The following GABRA4 variants were observed in gnomAD, a reference collection of about 807,000 sequenced individuals.
The protein encoded by GABRA4 is gamma-aminobutyric acid receptor subunit alpha-4.
In GABRA4, 12 loss-of-function variants were observed where a neutral mutation model predicts 49.7. The observed-to-expected ratio is 0.24, with a 90% CI of 0.15 to 0.39. The LOEUF is 0.39. GABRA4 is among the 10% of genes least tolerant of loss of function. The pLI, the probability that GABRA4 is intolerant of heterozygous loss-of-function variation, is 1.00. For missense variants in GABRA4, 506 were observed against 686.0 expected, an observed-to-expected ratio of 0.74 and a Z score of 2.93; for synonymous variants, 288 against 240.2, an observed-to-expected ratio of 1.20 and a Z score of -1.84.
chr4:46,937,036 C>T (rs1485059699), intron 8 of GABRA4, among the ~76,000 whole-genome samples: 3 of 152,208 alleles, frequency 2.0e-5, no homozygotes, highest in East Asian at 1.9e-4. Flanking sequence ...GAACTCTCCA[C>T]ATGACTATAT....
At chr4:46,929,313 A>G (rs926750803) in intron 8 of GABRA4, among the ~76,000 whole-genome samples, 1 of 152,038 alleles carries the variant, frequency 6.6e-6, no homozygotes, top group African/African-American at 2.4e-5. Context: ...TGAAAAGCAT[A>G]GATAATAGTA....
In GABRA4 at chr4:46,974,123, A is replaced by T; in HGVS notation, c.721+109T>A. On this transcript the variant is annotated intron_variant, in intron 6 of 8. Coordinates refer to ENST00000264318, the MANE Select transcript of GABRA4 (RefSeq NM_000809.4). ...TCATGCATCAACTCTATTTCTGGAAAATGTTTGTTGTTCTCCTGAAAAAAT... is the reference window on the plus strand; with the variant it reads ...TCATGCATCAACTCTATTTCTGGAATATGTTTGTTGTTCTCCTGAAAAAAT... 2.8e-6 allele frequency: 3 copies of T among 1,078,910 alleles called. No individual in the cohort carries two copies. The South Asian group carries it at 5.5e-5, about 20-fold the overall frequency. 66.8% of individuals were successfully genotyped at this position (1,078,910 alleles called of 1,614,324 possible).
intron 7 of GABRA4, among the ~76,000 whole-genome samples, chr4:46,968,654 T>C (rs2109381212): frequency 6.6e-6 from 1 of 151,820 alleles, no homozygotes; most frequent in South Asian, 2.1e-4. Flanking sequence ...CTGTTTATCA[T>C]TGGTACTAGT....
chr4:46,977,703 A>T, intron 3 of GABRA4, 73 bp from the exon 4 acceptor site: 1 of 999,060 alleles, frequency 1.0e-6, no homozygotes. Flanking sequence ...AATGCATTAA[A>T]TTCTGTCTTC....
rs547689905 is a variant in GABRA4, at chr4:46,978,566, A to G, written c.273+465T>C. Among the ~76,000 whole-genome samples, 24 of 151,694 alleles carry G rather than the reference A, an allele frequency of 1.6e-4. 1 individual carries two copies. Among genetic ancestry groups the G allele is most frequent in the Admixed American group, 1.3e-3 (20 of 15,222 alleles). On this transcript the variant is annotated intron_variant, in intron 3 of 8. Coordinates refer to ENST00000264318, the MANE Select transcript of GABRA4 (RefSeq NM_000809.4). ...GCCAGGCACGGTGGGGCATGCCTGCATTCCCAGCTACTTGGGAGGTTGAGG... is the reference window on the plus strand; with the variant it reads ...GCCAGGCACGGTGGGGCATGCCTGCGTTCCCAGCTACTTGGGAGGTTGAGG...
At chr4:46,942,516 TTGGGAGGCTGAGGCA>T (rs1308395085) in intron 8 of GABRA4, among the ~76,000 whole-genome samples, 3 of 151,942 alleles carry the variant, frequency 2.0e-5, no homozygotes, top group African/African-American at 4.8e-5. Flanking sequence ...TCCCAGCTAC[TTGGGAGGCTGAGGCA>T]TGAGAATTGC....
chr4:46,983,556 C>A (rs1049226900), intron 2 of GABRA4, among the ~76,000 whole-genome samples: 3 of 152,028 alleles, frequency 2.0e-5, no homozygotes, highest in African/African-American at 7.2e-5. Context: ...TAAAAATATT[C>A]CCCATTTTAA....
At chr4:46,944,112 G>T (rs1182340381) in intron 8 of GABRA4, among the ~76,000 whole-genome samples, 1 of 152,010 alleles carries the variant, frequency 6.6e-6, no homozygotes, top group Non-Finnish European at 1.5e-5. Flanking sequence ...AAATTTGCAC[G>T]AAAGTAAACG....
chr4:46,953,827 G>T (rs193206572), intron 8 of GABRA4, among the ~76,000 whole-genome samples: 2 of 152,232 alleles, frequency 1.3e-5, no homozygotes, highest in Admixed American at 1.3e-4. Flanking sequence ...GGATAGTTGG[G>T]GAGTAAGTAT....
chr4:46,967,953 A>T (rs1225271673), intron 7 of GABRA4, among the ~76,000 whole-genome samples: 2 of 151,628 alleles, frequency 1.3e-5, no homozygotes, highest in Non-Finnish European at 3.0e-5. Context: ...GAATAATTAG[A>T]AAACTTAGAG....
chr4:46,921,431 CT>C lies in GABRA4; in HGVS notation c.*6793del, dbSNP rs767898845. Reference sequence around the variant, plus strand: ...CTCAGAGGAAAACTCTGGGATTCCCCTATAGAAACTAAAGAAGCTTGCAGAA... The same window carrying C: ...CTCAGAGGAAAACTCTGGGATTCCCCATAGAAACTAAAGAAGCTTGCAGAA... On this transcript the variant is annotated 3_prime_UTR_variant, in exon 9 of 9. Coordinates refer to ENST00000264318, the MANE Select transcript of GABRA4 (RefSeq NM_000809.4). The C allele has an allele frequency of 5.9e-5, 9 of 151,978 alleles. No individual in the cohort carries two copies. In the East Asian group the frequency reaches 1.4e-3, roughly 23 times the overall value. The allele number at this position is 151,978 out of a possible 1,614,324, so 9.4% of individuals were successfully genotyped here. A position where few individuals can be genotyped will look rare whatever the true frequency, so the allele number is the denominator to read the frequency against.
At chr4:46,977,919 G>A (rs886103614) in intron 3 of GABRA4, among the ~76,000 whole-genome samples, 6 of 151,896 alleles carry the variant, frequency 4.0e-5, no homozygotes, top group Non-Finnish European at 8.8e-5. Context: ...AAAACTGCCA[G>A]TACCAGGTAG....
At chr4:46,962,961 A>G (rs535779613) in intron 8 of GABRA4, among the ~76,000 whole-genome samples, 6 of 151,930 alleles carry the variant, frequency 3.9e-5, no homozygotes, top group Non-Finnish European at 7.4e-5. Context: ...TCAAATCAAA[A>G]TGAATTAAGA....
intron 2 of GABRA4, among the ~76,000 whole-genome samples, chr4:46,991,796 G>A (rs563083557): frequency 6.6e-6 from 1 of 152,262 alleles, no homozygotes; most frequent in Admixed American, 6.5e-5. Flanking sequence ...ACAGAGTGGT[G>A]ATGCCTACAA....
Position 46,919,817 on chromosome 4 carries a change from G to GA in GABRA4, c.*8407dup, listed in dbSNP as rs1720907911. On this transcript the variant is annotated 3_prime_UTR_variant, in exon 9 of 9. Transcript: ENST00000264318. ...TTCCTTCATTAAGGATAAGCCAGTG[G>GA]AAAAAATTAACCTTCTATTTCAAAC... The GA allele has an allele frequency of 1.3e-5, 2 of 151,664 alleles. No individual in the cohort carries two copies. The highest frequency in any genetic ancestry group is 2.1e-4 in the South Asian group (1 of 4,824). The allele number at this position is 151,664 out of a possible 1,614,324, so 9.4% of individuals were successfully genotyped here.
In GABRA4 at chr4:46,927,570, T is replaced by C. The variant is rs746885265; in HGVS notation, c.*655A>G. ...ATGAACTACCATGAAAAAGAATTCATACAATGAGTTAAACTTTGGCTCAGA... is the reference window on the plus strand; with the variant it reads ...ATGAACTACCATGAAAAAGAATTCACACAATGAGTTAAACTTTGGCTCAGA... On this transcript the variant is annotated 3_prime_UTR_variant, in exon 9 of 9. Transcript: ENST00000264318. 1 of 152,538 alleles carries C rather than the reference T, an allele frequency of 6.6e-6. No individual in the cohort carries two copies. The highest frequency in any genetic ancestry group is 1.5e-5 in the Non-Finnish European group (1 of 68,002). 9.4% of individuals were successfully genotyped at this position (152,538 alleles called of 1,614,324 possible). A position where few individuals can be genotyped will look rare whatever the true frequency, so the allele number is the denominator to read the frequency against.
chr4:46,951,567 CTT>C, intron 8 of GABRA4, among the ~76,000 whole-genome samples: 1 of 152,040 alleles, frequency 6.6e-6, no homozygotes, highest in East Asian at 1.9e-4. Flanking sequence ...CCTTGCCACT[CTT>C]TGCCAAATTC....
At chr4:46,941,883 G>A (rs996947078) in intron 8 of GABRA4, among the ~76,000 whole-genome samples, 8 of 152,086 alleles carry the variant, frequency 5.3e-5, no homozygotes, top group Non-Finnish European at 1.5e-5. Context: ...TGGGGGTGGT[G>A]ACTGCTTCAA....
intron 8 of GABRA4, among the ~76,000 whole-genome samples, chr4:46,940,893 G>C (rs1185388456): frequency 6.6e-6 from 1 of 152,102 alleles, no homozygotes; most frequent in Non-Finnish European, 1.5e-5. Context: ...TGAAACAGCT[G>C]TTCATCCAAA....
Sources: gnomAD v4.1 joint callset for allele counts (sites outside exome capture counted in the v4.1 genomes callset) on GRCh38, gnomAD v4.1.1 for gene constraint, MANE v1.5 for transcripts, NCBI Gene and HGNC (gene_info 2026-07-23, HGNC 2026-07-21) for gene names.